The following PTPRD variants were observed in gnomAD, a reference collection of about 807,000 sequenced individuals.
PTPRD encodes protein tyrosine phosphatase receptor type D.
PTPRD carries 34 observed loss-of-function variants against 214.5 expected under a neutral mutation model. The ratio of observed to expected loss-of-function variants is 0.16; its 90% CI spans 0.12 to 0.21. PTPRD has a LOEUF of 0.21. Ranked by LOEUF, PTPRD falls within the 10% of genes least tolerant of loss-of-function variation. The probability of loss-of-function intolerance (pLI) is 1.00; values close to 1 mark genes in which losing one functional copy is unlikely to be tolerated. For missense variants in PTPRD, 2,545 were observed against 2,398.7 expected, an observed-to-expected ratio of 1.06 and a Z score of -1.27; for synonymous variants, 1,128 against 845.7, an observed-to-expected ratio of 1.33 and a Z score of -5.79.
chr9:10,363,991 G>GTTTTTTTGTTGCTTTTT (rs1485501417), intron 2 of PTPRD, among the ~76,000 whole-genome samples: 8 of 35,128 alleles, frequency 2.3e-4, no homozygotes, highest in Non-Finnish European at 2.8e-4. Context: ...ACATTTTCGG[G>GTTTTTTTGTTGCTTTTT]TTTTTTTTTT....
intron 2 of PTPRD, among the ~76,000 whole-genome samples, chr9:10,515,188 T>C (rs985634894): frequency 2.0e-5 from 3 of 151,990 alleles, no homozygotes; most frequent in South Asian, 4.1e-4. Flanking sequence ...CCAAACACAC[T>C]GGCAAGTATA....
At chr9:8,757,035 G>A (rs528118104) in intron 11 of PTPRD, among the ~76,000 whole-genome samples, 1 of 152,202 alleles carries the variant, frequency 6.6e-6, no homozygotes, top group South Asian at 2.1e-4. Context: ...CCAGCTACTC[G>A]GGAGGCTGAG....
chr9:8,480,922 G>T (rs12342370), intron 30 of PTPRD, among the ~76,000 whole-genome samples: 3 of 152,016 alleles, frequency 2.0e-5, no homozygotes, highest in Non-Finnish European at 4.4e-5. Flanking sequence ...GTTGGATCAC[G>T]AGGTCAGGAG....
chr9:9,653,132 G>C (rs1290474713), intron 7 of PTPRD, among the ~76,000 whole-genome samples: 2 of 148,404 alleles, frequency 1.3e-5, no homozygotes, highest in African/African-American at 5.1e-5. Flanking sequence ...CATGAGGTCA[G>C]GAGATCGAGA....
At chr9:9,409,751 T>C (rs1477828269) in intron 8 of PTPRD, among the ~76,000 whole-genome samples, 2 of 152,038 alleles carry the variant, frequency 1.3e-5, no homozygotes, top group Non-Finnish European at 2.9e-5. Flanking sequence ...TAGAGTACCA[T>C]GGGAGCAGCT....
chr9:10,576,302 T>C lies in PTPRD; in HGVS notation c.-600+36096A>G, dbSNP rs375400470. ...AAATGATTTACCAATGATAACTGTC[T>C]GGGATATACTGTGACTTTGAGGGAA... On this transcript the variant is annotated intron_variant, in intron 2 of 45. Coordinates refer to ENST00000381196, the MANE Select transcript of PTPRD (RefSeq NM_002839.4). Among the ~76,000 whole-genome samples the C allele has an allele frequency of 8.5e-5, 13 of 152,180 alleles. 1 individual carries two copies. Among genetic ancestry groups the C allele is most frequent in the African/African-American group, 3.1e-4 (13 of 41,470 alleles).
intron 7 of PTPRD, among the ~76,000 whole-genome samples, chr9:9,698,995 A>G (rs1185045831): frequency 6.6e-5 from 10 of 152,070 alleles, no homozygotes. Context: ...TAATAAAACG[A>G]TTGTCTTTGG....
At chr9:8,963,435 A>G (rs2099169111) in intron 11 of PTPRD, among the ~76,000 whole-genome samples, 2 of 152,088 alleles carry the variant, frequency 1.3e-5, no homozygotes, top group Admixed American at 6.6e-5. Context: ...TATGTGTTAT[A>G]TTTCACAGAA....
intron 3 of PTPRD, among the ~76,000 whole-genome samples, chr9:10,051,977 C>T (rs772590524): frequency 6.6e-6 from 1 of 152,058 alleles, no homozygotes; most frequent in Non-Finnish European, 1.5e-5. Context: ...CAAGGTTTTG[C>T]TCTGTTACCC....
At chr9:10,320,427 T>G (rs1160350963) in intron 3 of PTPRD, among the ~76,000 whole-genome samples, 1 of 152,024 alleles carries the variant, frequency 6.6e-6, no homozygotes, top group Non-Finnish European at 1.5e-5. Flanking sequence ...CCTAAAAAGG[T>G]AGAATAAAGC....
chr9:8,593,215 C>T (rs904474295), intron 14 of PTPRD, among the ~76,000 whole-genome samples: 3 of 152,052 alleles, frequency 2.0e-5, no homozygotes, highest in African/African-American at 7.2e-5. Context: ...TGCTTGAGGG[C>T]GTTTATCTTT....
At chr9:9,761,888 T>A (rs1381502689) in intron 6 of PTPRD, among the ~76,000 whole-genome samples, 1 of 152,224 alleles carries the variant, frequency 6.6e-6, no homozygotes, top group Non-Finnish European at 1.5e-5. Context: ...ATTTTGATCA[T>A]GTTTGCAAAA....
intron 3 of PTPRD, among the ~76,000 whole-genome samples, chr9:10,306,979 G>A (rs653917): frequency 0.19 from 28,437 of 152,002 alleles, 2,664 homozygotes; most frequent in South Asian, 0.29. Context: ...GGGTACATGT[G>A]ATATTTTGTT....
intron 5 of PTPRD, among the ~76,000 whole-genome samples, chr9:9,793,034 A>C (rs2098978179): frequency 1.3e-5 from 2 of 152,120 alleles, no homozygotes; most frequent in Admixed American, 6.5e-5. Context: ...TAGGCACAAA[A>C]ATGACCTTGT....
At chr9:9,544,259 C>T (rs182216122) in intron 8 of PTPRD, among the ~76,000 whole-genome samples, 1 of 151,664 alleles carries the variant, frequency 6.6e-6, no homozygotes, top group Non-Finnish European at 1.5e-5. Flanking sequence ...AAGTATTAAC[C>T]ATTTGTAATA....
intron 5 of PTPRD, among the ~76,000 whole-genome samples, chr9:9,887,387 G>T (rs2071362437): frequency 6.6e-6 from 1 of 152,082 alleles, no homozygotes; most frequent in Non-Finnish European, 1.5e-5. Context: ...TTTGTCTCCT[G>T]CAGTGAAAAT....
At chr9:10,085,233 C>T (rs548723035) in intron 3 of PTPRD, among the ~76,000 whole-genome samples, 45 of 151,902 alleles carry the variant, frequency 3.0e-4, no homozygotes, top group South Asian at 2.1e-3. Context: ...TTTGACAACA[C>T]GCCTTCTCAA....
chr9:9,903,910 A>G (rs1318672768), intron 5 of PTPRD, among the ~76,000 whole-genome samples: 3 of 152,134 alleles, frequency 2.0e-5, no homozygotes, highest in African/African-American at 4.8e-5. Context: ...AAATGTGTCA[A>G]TCAACTAATA....
intron 14 of PTPRD, among the ~76,000 whole-genome samples, chr9:8,562,011 C>T (rs1400089531): frequency 1.3e-5 from 2 of 152,068 alleles, no homozygotes; most frequent in Non-Finnish European, 1.5e-5. Context: ...TACCATTTAA[C>T]CACAAACTGG....
Sources: gnomAD v4.1 joint callset for allele counts (sites outside exome capture counted in the v4.1 genomes callset) on GRCh38, gnomAD v4.1.1 for gene constraint, MANE v1.5 for transcripts, NCBI Gene and HGNC (gene_info 2026-07-23, HGNC 2026-07-21) for gene names.